The following SPATS2 variants were observed in gnomAD, a reference collection of about 807,000 sequenced individuals.
The protein encoded by SPATS2 is spermatogenesis-associated serine-rich protein 2.
SPATS2 carries 38 observed loss-of-function variants against 63.7 expected under a neutral mutation model. The observed-to-expected ratio is 0.60, with a 90% CI of 0.46 to 0.78. SPATS2 has a LOEUF of 0.78. SPATS2 is among the 30% of genes least tolerant of loss of function. SPATS2 has a pLI of 0.00. For synonymous variants in SPATS2, 207 were observed against 232.9 expected (o/e 0.89, Z 1.01); for missense variants, 588 against 666.2 (o/e 0.88, Z 1.29).
At chr12:49,414,680 C>T (rs1047988549) in intron 2 of SPATS2, among the ~76,000 whole-genome samples, 2 of 151,958 alleles carry the variant, frequency 1.3e-5, no homozygotes, top group Non-Finnish European at 2.9e-5. Context: ...TCATAGCTCA[C>T]TGCAGCCTTG....
At chr12:49,485,394 C>G (rs111943426) in intron 4 of SPATS2, among the ~76,000 whole-genome samples, 28,419 of 151,972 alleles carry the variant, frequency 0.19, 3,680 homozygotes, top group African/African-American at 0.37. Context: ...CAGAGTCTCA[C>G]TCTGTCACCC....
rs11296154 is a variant in SPATS2 at position 49,506,836 on chromosome 12, T to TA, written c.839+6648dup. Among the ~76,000 whole-genome samples the TA allele has an allele frequency of 2.6e-3, 371 of 140,212 alleles. 1 individual carries two copies. The highest frequency in any genetic ancestry group is 3.6e-3 in the Middle Eastern group (1 of 274). 92.0% of individuals were successfully genotyped at this position (140,212 alleles called of 152,430 possible). A position where few individuals can be genotyped will look rare whatever the true frequency, so the allele number is the denominator to read the frequency against. On this transcript the variant is annotated intron_variant, in intron 9 of 13. Coordinates refer to ENST00000552918, the MANE Select transcript of SPATS2 (RefSeq NM_023071.4). ...GTGACAGAGCAAGACCCTGTCTCTTTAAAAAAAAAAAAAAAAATTTCGATT... is the reference window on the plus strand; with the variant it reads ...GTGACAGAGCAAGACCCTGTCTCTTTAAAAAAAAAAAAAAAAAATTTCGATT...
intron 9 of SPATS2, among the ~76,000 whole-genome samples, chr12:49,502,024 C>T (rs1181346591): frequency 6.6e-6 from 1 of 152,156 alleles, no homozygotes; most frequent in Non-Finnish European, 1.5e-5. Context: ...GACAGGAAGA[C>T]AAGCAGCTAG....
At chr12:49,498,790 A>ATTTTTTTT (rs147335434) in intron 8 of SPATS2, among the ~76,000 whole-genome samples, 5 of 95,078 alleles carry the variant, frequency 5.3e-5, no homozygotes, top group African/African-American at 7.8e-5. Flanking sequence ...TATGGTATCT[A>ATTTTTTTT]TTTTTTTTTT....
chr12:49,525,074 A>C (rs748090811), intron 13 of SPATS2, among the ~76,000 whole-genome samples, 178 bp downstream of exon 13: 1 of 152,240 alleles, frequency 6.6e-6, no homozygotes, highest in Admixed American at 6.5e-5. Flanking sequence ...CCAAACTGCC[A>C]GCCAGTTTAG....
chr12:49,517,455 C>T (rs1330473457), intron 10 of SPATS2, among the ~76,000 whole-genome samples: 2 of 152,136 alleles, frequency 1.3e-5, no homozygotes, highest in African/African-American at 4.8e-5. Flanking sequence ...CAGTGTGTTA[C>T]AGGATTCTAT....
intron 10 of SPATS2, among the ~76,000 whole-genome samples, chr12:49,516,168 T>A (rs11169053): frequency 0.064 from 844 of 13,272 alleles, 57 homozygotes; most frequent in South Asian, 0.1. Flanking sequence ...AAAAAAAAAA[T>A]ATATATATAT....
chr12:49,417,001 G>T (rs953119759), intron 2 of SPATS2, among the ~76,000 whole-genome samples: 3 of 152,104 alleles, frequency 2.0e-5, no homozygotes, highest in Admixed American at 1.3e-4. Flanking sequence ...TTTTCACTAG[G>T]CAGGGAGATG....
chr12:49,483,757 A>G (rs1355296794), intron 3 of SPATS2, among the ~76,000 whole-genome samples: 1 of 152,136 alleles, frequency 6.6e-6, no homozygotes, highest in Non-Finnish European at 1.5e-5. Flanking sequence ...TACAGTGCAG[A>G]GATCAGTAAT....
intron 8 of SPATS2, among the ~76,000 whole-genome samples, chr12:49,497,268 T>G (rs1946479006): frequency 6.6e-6 from 1 of 152,228 alleles, no homozygotes; most frequent in South Asian, 2.1e-4. Context: ...ACTGCCAGAA[T>G]GATTTACCTG....
At chr12:49,375,843 C>G (rs1282613036) in intron 2 of SPATS2, among the ~76,000 whole-genome samples, 2 of 152,052 alleles carry the variant, frequency 1.3e-5, no homozygotes, top group East Asian at 1.9e-4. Flanking sequence ...GGGTCTTGCT[C>G]TGTCTCCTAG....
In SPATS2 at chr12:49,436,137, C is replaced by T. The variant is rs774922177; in HGVS notation, c.-243-24633C>T. ...CAAAACCGCCATTGTCATCATGGCCCGTTCTCAATGAGCTGTTGAGTACAC... is the reference window on the plus strand; with the variant it reads ...CAAAACCGCCATTGTCATCATGGCCTGTTCTCAATGAGCTGTTGAGTACAC... On this transcript the variant is annotated intron_variant, in intron 2 of 13. Transcript: ENST00000552918. Among the ~76,000 whole-genome samples the T allele has an allele frequency of 2.6e-5, 4 of 151,890 alleles. No individual in the cohort carries two copies. In the South Asian group the frequency reaches 8.3e-4, roughly 32 times the overall value.
intron 2 of SPATS2, chr12:49,389,377 C>T (rs148659464): frequency 2.1e-4 from 111 of 538,968 alleles, no homozygotes; most frequent in Non-Finnish European, 3.4e-4. Context: ...TCTGGTTCAG[C>T]GTCTGCTAAC....
intron 2 of SPATS2, among the ~76,000 whole-genome samples, chr12:49,394,721 A>AT (rs1432374613): frequency 6.6e-6 from 1 of 152,038 alleles, no homozygotes. Flanking sequence ...ATTTATTATT[A>AT]TTTTTTAGAT....
chr12:49,500,312 A>AGG, intron 9 of SPATS2, 107 bp downstream of exon 9: 1 of 1,232,902 alleles, frequency 8.1e-7, no homozygotes, highest in East Asian at 2.6e-5. Flanking sequence ...ACTACATAGT[A>AGG]GGAGAGACTT....
At chr12:49,510,874 T>C (rs1250382248) in intron 9 of SPATS2, among the ~76,000 whole-genome samples, 5 of 152,192 alleles carry the variant, frequency 3.3e-5, no homozygotes. Context: ...GAGATATCAA[T>C]GGGGATGCTT....
intron 2 of SPATS2, among the ~76,000 whole-genome samples, chr12:49,414,050 G>A (rs1944844217): frequency 1.3e-5 from 2 of 152,146 alleles, no homozygotes; most frequent in Admixed American, 1.3e-4. Flanking sequence ...AATGTACTGT[G>A]TTGCAATAGA....
At chr12:49,476,786 C>G (rs951663155) in intron 3 of SPATS2, among the ~76,000 whole-genome samples, 2 of 152,180 alleles carry the variant, frequency 1.3e-5, no homozygotes, top group African/African-American at 4.8e-5. Context: ...CAGAACAAAC[C>G]TTTTAAACAA....
intron 2 of SPATS2, among the ~76,000 whole-genome samples, chr12:49,443,077 T>G (rs1945451038): frequency 6.6e-6 from 1 of 152,176 alleles, no homozygotes; most frequent in Non-Finnish European, 1.5e-5. Flanking sequence ...TGTGTCAGAA[T>G]TTCCTTCCTC....
Sources: gnomAD v4.1 joint callset for allele counts (sites outside exome capture counted in the v4.1 genomes callset) on GRCh38, gnomAD v4.1.1 for gene constraint, MANE v1.5 for transcripts, NCBI Gene and HGNC (gene_info 2026-07-23, HGNC 2026-07-21) for gene names.